STRN: variants seen among roughly 807,000 people sequenced by gnomAD.
STRN encodes protein phosphatase 2 regulatory subunit B'''alpha.
Under a neutral mutation model 96.3 loss-of-function variants are expected in STRN, and 53 were observed. The ratio of observed to expected loss-of-function variants is 0.55; its 90% CI spans 0.44 to 0.69. STRN has a LOEUF of 0.69. Ranked by LOEUF, STRN falls within the 30% of genes least tolerant of loss-of-function variation. The probability of loss-of-function intolerance (pLI) is 0.00; values close to 1 mark genes in which losing one functional copy is unlikely to be tolerated. For synonymous variants in STRN, 428 were observed against 355.9 expected, an observed-to-expected ratio of 1.20 and a Z score of -2.28; for missense variants, 987 against 963.9, an observed-to-expected ratio of 1.02 and a Z score of -0.32.
At chr2:36,850,952 ATTT>A (rs10668550) in intron 16 of STRN, 45 bp downstream of exon 16, 1 of 1,239,132 alleles carries the variant, frequency 8.1e-7, no homozygotes, top group Non-Finnish European at 1.1e-6. Flanking sequence ...TGTGGTAGGG[ATTT>A]TTTTTTTTTG....
rs1667986951 is a variant in STRN, at chr2:36,843,049, C to T, written c.*6407G>A. On this transcript the variant is annotated 3_prime_UTR_variant, in exon 18 of 18. Transcript: ENST00000263918. ...GCTGACCCCAGGAGGTTCATCAATC[C>T]GTGAATAATTTTTGGAGTTTTAATG... Among the ~76,000 whole-genome samples the T allele has an allele frequency of 6.6e-6, 1 of 152,118 alleles. No homozygotes were observed. The highest frequency in any genetic ancestry group is 2.1e-4 in the South Asian group (1 of 4,812).
chr2:36,963,933 G>A (rs1235116015), intron 1 of STRN, among the ~76,000 whole-genome samples: 1 of 151,904 alleles, frequency 6.6e-6, no homozygotes, highest in African/African-American at 2.4e-5. Flanking sequence ...AGGTTGCAGT[G>A]AGCTAAGACT....
intron 12 of STRN, among the ~76,000 whole-genome samples, chr2:36,862,577 C>A (rs1668517137): frequency 6.6e-6 from 1 of 152,014 alleles, no homozygotes; most frequent in South Asian, 2.1e-4. Context: ...ATGTTCTTTG[C>A]CCACTTTTTA....
intron 1 of STRN, among the ~76,000 whole-genome samples, chr2:36,931,923 C>A (rs1448765765): frequency 6.6e-6 from 1 of 151,790 alleles, no homozygotes; most frequent in Non-Finnish European, 1.5e-5. Flanking sequence ...TGAACTCAAT[C>A]AATTCTCCCG....
At chr2:36,943,490 CACAAAAACAGAAG>C (rs1670898647) in intron 1 of STRN, among the ~76,000 whole-genome samples, 2 of 151,998 alleles carry the variant, frequency 1.3e-5, no homozygotes, top group South Asian at 4.1e-4. Flanking sequence ...TTCACTGTCA[CACAAAAACAGAAG>C]ACATAAAACA....
chr2:36,896,465 A>ATAAT (rs1027496115), intron 6 of STRN, among the ~76,000 whole-genome samples: 5 of 152,200 alleles, frequency 3.3e-5, no homozygotes, highest in African/African-American at 1.2e-4. Context: ...AGAGTTTGTA[A>ATAAT]TAATAAGCAT....
At chr2:36,946,017 G>A (rs1670973078) in intron 1 of STRN, among the ~76,000 whole-genome samples, 1 of 151,728 alleles carries the variant, frequency 6.6e-6, no homozygotes, top group African/African-American at 2.4e-5. Flanking sequence ...AAGCTCTAGA[G>A]TTAATAGCCA....
chr2:36,869,561 C>T lies in STRN; in HGVS notation c.1492G>A (p.Ala498Thr), dbSNP rs1457578808. 1.3e-6 allele frequency: 2 copies of T among 1,540,044 alleles called. No individual in the cohort carries two copies. The highest frequency in any genetic ancestry group is 1.8e-6 in the Non-Finnish European group (2 of 1,142,096). The change falls in exon 11 of 18, where the codon GCC becomes ACC. Residue 498 changes from alanine (A) to threonine (T), a missense_variant. Ala to Thr is a moderately conservative substitution (Grantham distance 58). Transcript: ENST00000263918. ...AAAGTAGAATATTCTCACTTTTTGG[C>T]TGGGGCTGTTTTCTGTAAATTCCAC... ...KMWNLQKTAP[A>T]KKSTSLDVEP...
chr2:36,937,180 C>A (rs897448467), intron 1 of STRN, among the ~76,000 whole-genome samples: 37 of 151,952 alleles, frequency 2.4e-4, no homozygotes, highest in African/African-American at 8.7e-4. Flanking sequence ...CCTGTCTCTA[C>A]TAAAAAATAC....
intron 1 of STRN, among the ~76,000 whole-genome samples, chr2:36,951,903 C>A (rs1216685886): frequency 2.6e-5 from 4 of 152,226 alleles, no homozygotes; most frequent in Non-Finnish European, 5.9e-5. Flanking sequence ...AGCTCCGCTT[C>A]CTGTCAGATC....
intron 14 of STRN, among the ~76,000 whole-genome samples, chr2:36,855,573 T>C (rs1156885362): frequency 6.6e-6 from 1 of 152,206 alleles, no homozygotes; most frequent in South Asian, 2.1e-4. Context: ...ATCTTCTACC[T>C]GTTACTCAAC....
intron 1 of STRN, among the ~76,000 whole-genome samples, chr2:36,937,901 T>C (rs1010105677): frequency 1.3e-5 from 2 of 151,992 alleles, no homozygotes; most frequent in African/African-American, 4.8e-5. Context: ...ACTTCATTAC[T>C]AGTAAATAGT....
At chr2:36,901,465 T>C (rs1177044446) in intron 5 of STRN, among the ~76,000 whole-genome samples, 2 of 148,596 alleles carry the variant, frequency 1.3e-5, no homozygotes, top group Admixed American at 6.9e-5. Flanking sequence ...GGCAGGAGAA[T>C]GGCGTGAACC....
intron 4 of STRN, among the ~76,000 whole-genome samples, chr2:36,903,827 C>T (rs1388891634): frequency 2.6e-5 from 4 of 152,188 alleles, no homozygotes; most frequent in Non-Finnish European, 5.9e-5. Context: ...AAATTCCCAA[C>T]TTTCCTAAAT....
intron 1 of STRN, among the ~76,000 whole-genome samples, chr2:36,939,373 T>C (rs1670788117): frequency 6.6e-6 from 1 of 152,144 alleles, no homozygotes; most frequent in African/African-American, 2.4e-5. Flanking sequence ...ATACATTAAT[T>C]AGACGTGATG....
chr2:36,913,753 C>T (rs1670022303), intron 3 of STRN, among the ~76,000 whole-genome samples: 1 of 152,096 alleles, frequency 6.6e-6, no homozygotes, highest in South Asian at 2.1e-4. Flanking sequence ...ATACTAGGTA[C>T]TAACTATTAC....
chr2:36,891,788 T>G (rs1369803612), intron 7 of STRN, among the ~76,000 whole-genome samples: 1 of 152,212 alleles, frequency 6.6e-6, no homozygotes, highest in African/African-American at 2.4e-5. Context: ...TAGGAAACCT[T>G]TTCCTTGAAC....
chr2:36,931,789 A>G (rs1323923338), intron 1 of STRN, among the ~76,000 whole-genome samples: 1 of 152,222 alleles, frequency 6.6e-6, no homozygotes, highest in East Asian at 1.9e-4. Flanking sequence ...TAGAGAACTG[A>G]TGTTCAACTT....
chr2:36,887,266 A>T (rs915123109), intron 7 of STRN, among the ~76,000 whole-genome samples: 4 of 136,472 alleles, frequency 2.9e-5, no homozygotes, highest in African/African-American at 5.4e-5. Flanking sequence ...CATTTCTAGT[A>T]AAATAAATAA....
Sources: gnomAD v4.1 joint callset for allele counts (sites outside exome capture counted in the v4.1 genomes callset) on GRCh38, gnomAD v4.1.1 for gene constraint, MANE v1.5 for transcripts, NCBI Gene and HGNC (gene_info 2026-07-23, HGNC 2026-07-21) for gene names.